NDUFA6: variants seen among roughly 807,000 people sequenced by gnomAD.
NDUFA6 encodes NADH dehydrogenase [ubiquinone] 1 alpha subcomplex subunit 6.
A neutral mutation model predicts 12.5 loss-of-function variants in NDUFA6; 10 were observed. The ratio of observed to expected loss-of-function variants is 0.80; its 90% CI spans 0.49 to 1.35. The LOEUF (loss-of-function observed/expected upper bound fraction) is 1.35. NDUFA6 is among the 40% of genes most tolerant of loss of function. The pLI, the probability that NDUFA6 is intolerant of heterozygous loss-of-function variation, is 0.00. For synonymous variants in NDUFA6, 66 were observed against 63.0 expected, an observed-to-expected ratio of 1.05 and a Z score of -0.23; for missense variants, 177 against 173.5, an observed-to-expected ratio of 1.02 and a Z score of -0.11.
chr22:42,090,736 C>A lies in NDUFA6; in HGVS notation c.9G>T (p.Gly3=), dbSNP rs267606262. The change falls in exon 1 of 3, where the codon GGG becomes GGT. Residue 3 remains glycine, a synonymous_variant. Transcript: ENST00000498737. ...TAGAAGTAGCTTGGCGGACGCCGCT[C>A]CCCGCCATCTTGCCAAAGCATCCAC... The part of the protein sequence containing the change: MA[G]SGVRQATSTA... 1.2e-6 allele frequency: 2 copies of A among 1,614,068 alleles called. No homozygotes were observed. Among genetic ancestry groups the A allele is most frequent in the Non-Finnish European group, 1.7e-6 (2 of 1,179,912 alleles).
In NDUFA6 at chr22:42,090,680, C is replaced by A. The variant is rs758183219; in HGVS notation, c.65G>T (p.Ser22Ile). The A allele has an allele frequency of 4.3e-6, 7 of 1,614,096 alleles. No homozygotes were observed. The highest frequency in any genetic ancestry group is 5.9e-6 in the Non-Finnish European group (7 of 1,180,050). ...CCGCTTGGCCTCGTTCATGTCCCGA[C>A]TGAAAATGGGCTTCACGAAGGTGCT... ...TASTFVKPIFSRDMNEAKRRV... is the reference protein window; with the variant it reads ...TASTFVKPIFIRDMNEAKRRV... Residue 22 changes from serine (S) to isoleucine (I), a missense_variant, in exon 1 of 3, where the codon AGT (serine) becomes ATT (isoleucine). Transcript: ENST00000498737.
chr22:42,088,760 G>T (rs1489014283), intron 1 of NDUFA6, among the ~76,000 whole-genome samples: 19 of 146,724 alleles, frequency 1.3e-4, no homozygotes, highest in Non-Finnish European at 3.0e-5. Context: ...TATCATTACT[G>T]TTTTTTTCAT....
At chr22:42,088,646 G>A (rs943180241) in intron 1 of NDUFA6, among the ~76,000 whole-genome samples, 12 of 151,082 alleles carry the variant, frequency 7.9e-5, no homozygotes, top group African/African-American at 2.4e-4. Context: ...ACTTGAACCC[G>A]GGAGGTGGAG....
At chr22:42,090,512 G>T in intron 1 of NDUFA6, 94 bp downstream of exon 1, 1 of 1,462,790 alleles carries the variant, frequency 6.8e-7, no homozygotes, top group Non-Finnish European at 9.5e-7. Context: ...GCCCAAGTTG[G>T]TGACCTCAGC....
At chr22:42,090,512 G>A in intron 1 of NDUFA6, 94 bp downstream of exon 1, 9 of 1,462,790 alleles carry the variant, frequency 6.2e-6, no homozygotes, top group African/African-American at 1.4e-5. Flanking sequence ...GCCCAAGTTG[G>A]TGACCTCAGC....
chr22:42,088,131 G>C (rs1928383297), intron 1 of NDUFA6, among the ~76,000 whole-genome samples: 2 of 149,206 alleles, frequency 1.3e-5, no homozygotes, highest in Admixed American at 1.3e-4. Context: ...AAAAAGGCTG[G>C]GCGCGGTGGC....
At chr22:42,087,578 G>A (rs1214608371) in intron 1 of NDUFA6, among the ~76,000 whole-genome samples, 4 of 151,840 alleles carry the variant, frequency 2.6e-5, no homozygotes, top group African/African-American at 4.8e-5. Context: ...CGAGGTGGGC[G>A]GATCATGAGG....
rs546636470 is a variant in NDUFA6, at chr22:42,090,639, A to G, written c.106T>C (p.Tyr36His). ...GGCACCTCCCGATACCAGGCGCGGT[A>G]GAGCTCGCGCACCCTCCGCTTGGCC... is the stretch of plus-strand genomic sequence containing the variant. ...NEAKRRVRELYRAWYREVPNT... is the reference protein window; with the variant it reads ...NEAKRRVRELHRAWYREVPNT... Residue 36 changes from tyrosine to histidine, a missense_variant, in exon 1 of 3, where the codon TAC becomes CAC. Coordinates refer to ENST00000498737, the MANE Select transcript of NDUFA6 (RefSeq NM_002490.6). 3.1e-6 allele frequency: 5 copies of G among 1,614,056 alleles called. No homozygotes were observed. The highest frequency in any genetic ancestry group is 1.1e-5 in the South Asian group (1 of 91,090).
At chr22:42,088,786 T>A (rs560559844) in intron 1 of NDUFA6, among the ~76,000 whole-genome samples, 5 of 152,118 alleles carry the variant, frequency 3.3e-5, no homozygotes, top group Non-Finnish European at 5.9e-5. Context: ...ACTTAAAATT[T>A]TACTTTTGTT....
chr22:42,086,246 A>G lies in NDUFA6; in HGVS notation c.324T>C (p.His108=). The change falls in exon 3 of 3, where the codon CAT becomes CAC. Residue 108 remains histidine, a synonymous_variant. Transcript: ENST00000498737. Reference sequence around the variant, plus strand: ...CCTTTGGCCTTGGCGCTTCTGTTTCATGGAAGAACCGCATAACATGTGTCC... The same window carrying G: ...CCTTTGGCCTTGGCGCTTCTGTTTCGTGGAAGAACCGCATAACATGTGTCC... ...KQRTHVMRFF[H]ETEAPRPKDF... is the part of the protein sequence containing the mutation. 1 of 1,614,238 alleles carries G rather than the reference A, an allele frequency of 6.2e-7. No individual in the cohort carries two copies.
intron 1 of NDUFA6, among the ~76,000 whole-genome samples, chr22:42,088,187 CA>C (rs1284462989): frequency 6.8e-6 from 1 of 146,348 alleles, no homozygotes; most frequent in Non-Finnish European, 1.5e-5. Context: ...GCGGGTGGAT[CA>C]TGAGGTCAGG....
In NDUFA6 at chr22:42,085,871, AAAC is replaced by A. The variant is rs374106146; in HGVS notation, c.*309_*311del. 3 of 466,382 alleles carry A rather than the reference AAAC, an allele frequency of 6.4e-6. No homozygotes were observed. The highest frequency in any genetic ancestry group is 6.8e-5 in the Admixed American group (2 of 29,558). The allele number at this position is 466,382 out of a possible 1,614,324, so 28.9% of individuals were successfully genotyped here. On this transcript the variant is annotated 3_prime_UTR_variant, in exon 3 of 3. Coordinates refer to ENST00000498737, the MANE Select transcript of NDUFA6 (RefSeq NM_002490.6). ...AAGTGTCTAATCATAGGGGCTATAG[AAAC>A]AACTACATTAACAAGTCGTCCAGCC... is the stretch of plus-strand genomic sequence containing the variant.
Position 42,090,706 on chromosome 22 carries a change from G to A in NDUFA6, c.39C>T (p.Ala13=), listed in dbSNP as rs776194891. The A allele has an allele frequency of 2.5e-6, 4 of 1,614,068 alleles. No homozygotes were observed. The highest frequency in any genetic ancestry group is 1.1e-5 in the South Asian group (1 of 91,090). The change falls in exon 1 of 3, where the codon GCC becomes GCT. Residue 13 remains alanine (A), a synonymous_variant. Coordinates refer to ENST00000498737, the MANE Select transcript of NDUFA6 (RefSeq NM_002490.6). ...TGAAAATGGGCTTCACGAAGGTGCT[G>A]GCGGTAGAAGTAGCTTGGCGGACGC... ...GSGVRQATST[A]STFVKPIFSR... is the part of the protein sequence containing the mutation.
rs1602523316 is a variant in NDUFA6 at position 42,090,641 on chromosome 22, A to C, written c.104T>G (p.Leu35Arg). 1 of 1,614,086 alleles carries C rather than the reference A, an allele frequency of 6.2e-7. No individual in the cohort carries two copies. The highest frequency in any genetic ancestry group is 2.2e-5 in the East Asian group (1 of 44,878). The change falls in exon 1 of 3, where the codon CTC (leucine) becomes CGC (arginine). Residue 35 changes from leucine (L) to arginine (R), a missense_variant. This residue lies in a region of NDUFA6 where 111 missense variants were observed against 87.2 expected (regional missense o/e 1.27). Transcript: ENST00000498737. ...MNEAKRRVRE[L>R]YRAWYREVPN... The stretch of plus-strand genomic sequence containing the variant: ...CACCTCCCGATACCAGGCGCGGTAG[A>C]GCTCGCGCACCCTCCGCTTGGCCTC...
rs145661734 is a variant in NDUFA6, at chr22:42,086,160, G to A, written c.*23C>T. The A allele has an allele frequency of 2.1e-4, 334 of 1,614,120 alleles. No individual in the cohort carries two copies. The East Asian group carries it at 5.3e-3, about 26-fold the overall frequency. On this transcript the variant is annotated 3_prime_UTR_variant, in exon 3 of 3. Transcript: ENST00000498737. ...ATTTGTGCTCTAAAATAGTATCAAC[G>A]TGCATCTTTCCACTGAATGACTTCA...
Position 42,086,324 on chromosome 22 carries a change from G to C in NDUFA6, c.256-10C>G, listed in dbSNP as rs1447323369. On this transcript the variant is annotated splice_polypyrimidine_tract_variant and intron_variant, in intron 2 of 2. Transcript: ENST00000498737. ...CCAGTTCGATCTTTCCCTGAACAGT[G>C]AGGAGAGAGGTCATCAGTCAAAGTT... 6.2e-7 allele frequency: 1 copy of C among 1,614,074 alleles called. No homozygotes were observed. Among genetic ancestry groups the C allele is most frequent in the South Asian group, 1.1e-5 (1 of 91,084 alleles).
chr22:42,090,525 G>T, intron 1 of NDUFA6, 81 bp downstream of exon 1: 1 of 1,531,676 alleles, frequency 6.5e-7, no homozygotes. Flanking sequence ...ACCTCAGCTG[G>T]GCCCATGAGA....
At chr22:42,087,741 G>T (rs963197004) in intron 1 of NDUFA6, among the ~76,000 whole-genome samples, 1 of 151,562 alleles carries the variant, frequency 6.6e-6, no homozygotes, top group Non-Finnish European at 1.5e-5. Context: ...GGTGGACCTT[G>T]CAGTGAGCCG....
chr22:42,086,119 A>G lies in NDUFA6; in HGVS notation c.*64T>C, dbSNP rs972722363. The G allele has an allele frequency of 6.8e-6, 11 of 1,608,278 alleles. No homozygotes were observed. The highest frequency in any genetic ancestry group is 7.7e-6 in the Non-Finnish European group (9 of 1,174,954). On this transcript the variant is annotated 3_prime_UTR_variant, in exon 3 of 3. Coordinates refer to ENST00000498737, the MANE Select transcript of NDUFA6 (RefSeq NM_002490.6). ...AATGGAATTCTATCACAAAGTGACCATTGTATAGTGAGTTTATTTGTGCTC... is the reference window on the plus strand; with the variant it reads ...AATGGAATTCTATCACAAAGTGACCGTTGTATAGTGAGTTTATTTGTGCTC...
Sources: gnomAD v4.1 joint callset for allele counts (sites outside exome capture counted in the v4.1 genomes callset) on GRCh38, gnomAD v4.1.1 for gene constraint, gnomAD v4.1.1 regional missense constraint, MANE v1.5 for transcripts, NCBI Gene and HGNC (gene_info 2026-07-23, HGNC 2026-07-21) for gene names.